Variants in FSTL5 observed in about 807,000 individuals in gnomAD.
FSTL5 encodes the protein follistatin-related protein 5.
In FSTL5, 62 loss-of-function variants were observed where a neutral mutation model predicts 89.1. The observed-to-expected ratio is 0.70, with a 90% CI of 0.57 to 0.86. The LOEUF (loss-of-function observed/expected upper bound fraction) is 0.86, where lower values mean the gene tolerates loss of function less well. Ranked by LOEUF, FSTL5 falls within the 40% of genes least tolerant of loss-of-function variation. The pLI is 0.00. For synonymous variants in FSTL5, 383 were observed against 346.2 expected (o/e 1.11, Z -1.18); for missense variants, 1,057 against 1,001.6 (o/e 1.06, Z -0.75).
At chr4:161,600,337 C>A (rs1047670278) in intron 7 of FSTL5, among the ~76,000 whole-genome samples, 1 of 151,952 alleles carries the variant, frequency 6.6e-6, no homozygotes, top group Admixed American at 6.6e-5. Flanking sequence ...AGGAGTCATG[C>A]ACAGGAGAAG....
chr4:161,670,110 TC>T (rs1737047485), intron 6 of FSTL5, among the ~76,000 whole-genome samples: 1 of 152,230 alleles, frequency 6.6e-6, no homozygotes, highest in Admixed American at 6.5e-5. Context: ...TAACTTACCA[TC>T]TTTAATATAT....
chr4:162,080,061 C>A (rs1730030287), intron 2 of FSTL5, among the ~76,000 whole-genome samples: 1 of 151,422 alleles, frequency 6.6e-6, no homozygotes, highest in South Asian at 2.1e-4. Context: ...ATCCACCTCC[C>A]CAGAATGATA....
At chr4:162,049,555 G>A (rs1430188248) in intron 2 of FSTL5, among the ~76,000 whole-genome samples, 7 of 152,102 alleles carry the variant, frequency 4.6e-5, no homozygotes, top group African/African-American at 1.7e-4. Flanking sequence ...GATCAGAGGC[G>A]ATTCTTTGGT....
intron 2 of FSTL5, among the ~76,000 whole-genome samples, chr4:162,085,194 A>G (rs957169480): frequency 6.6e-5 from 10 of 152,032 alleles, no homozygotes; most frequent in African/African-American, 2.4e-4. Context: ...TATTTACTAA[A>G]ATCTTTTGAG....
At chr4:161,455,393 A>G (rs2126401799) in intron 14 of FSTL5, among the ~76,000 whole-genome samples, 1 of 152,290 alleles carries the variant, frequency 6.6e-6, no homozygotes, top group South Asian at 2.1e-4. Flanking sequence ...ATAAATAGGC[A>G]TGTAAGCAAC....
chr4:162,039,452 T>C (rs1171898448), intron 2 of FSTL5, among the ~76,000 whole-genome samples: 1 of 151,932 alleles, frequency 6.6e-6, no homozygotes, highest in Non-Finnish European at 1.5e-5. Context: ...GGAAAATCCC[T>C]GTGAAAATTT....
chr4:161,517,499 T>C (rs1439119893), intron 10 of FSTL5, among the ~76,000 whole-genome samples: 1 of 152,160 alleles, frequency 6.6e-6, no homozygotes, highest in Non-Finnish European at 1.5e-5. Flanking sequence ...CCTTTACTAG[T>C]GCTTTTTAGT....
chr4:162,049,013 G>C (rs139356726), intron 2 of FSTL5, among the ~76,000 whole-genome samples: 1 of 152,172 alleles, frequency 6.6e-6, no homozygotes, highest in East Asian at 1.9e-4. Context: ...GGTATATTTG[G>C]ATCATATGGT....
At chr4:161,669,074 G>A (rs1165716941) in intron 6 of FSTL5, among the ~76,000 whole-genome samples, 2 of 144,020 alleles carry the variant, frequency 1.4e-5, no homozygotes, top group Non-Finnish European at 3.0e-5. Context: ...ATTCCGCCAC[G>A]GCCCTCCAGC....
chr4:161,457,620 A>C (rs146107917), intron 14 of FSTL5, among the ~76,000 whole-genome samples: 258 of 152,270 alleles, frequency 1.7e-3, no homozygotes, highest in Non-Finnish European at 3.1e-3. Flanking sequence ...TTGTATAATA[A>C]AAATATATGC....
intron 7 of FSTL5, among the ~76,000 whole-genome samples, chr4:161,640,248 T>A (rs1414598267): frequency 6.6e-6 from 1 of 152,142 alleles, no homozygotes; most frequent in Non-Finnish European, 1.5e-5. Flanking sequence ...CTGTCTAGTT[T>A]TCTTTAAAAA....
chr4:161,469,957 T>C (rs1733878590), intron 13 of FSTL5, among the ~76,000 whole-genome samples: 1 of 152,154 alleles, frequency 6.6e-6, no homozygotes, highest in South Asian at 2.1e-4. Context: ...ATTTTTGTGG[T>C]TGAGTTTTAG....
At chr4:161,462,889 GA>G (rs1405278535) in intron 13 of FSTL5, among the ~76,000 whole-genome samples, 3 of 151,882 alleles carry the variant, frequency 2.0e-5, no homozygotes, top group Non-Finnish European at 2.9e-5. Context: ...AGGGTGAAAA[GA>G]GCACTTAAAA....
At chr4:161,471,902 G>A (rs576133937) in intron 13 of FSTL5, among the ~76,000 whole-genome samples, 7 of 151,548 alleles carry the variant, frequency 4.6e-5, no homozygotes, top group East Asian at 3.9e-4. Context: ...TAATGGCCCC[G>A]CATTCATTTT....
At chr4:161,620,841 A>C (rs926717822) in intron 7 of FSTL5, among the ~76,000 whole-genome samples, 3 of 152,232 alleles carry the variant, frequency 2.0e-5, no homozygotes, top group African/African-American at 7.2e-5. Context: ...CTCATGATTT[A>C]AAATTACAAA....
chr4:161,502,588 T>C (rs1309101114), intron 11 of FSTL5, among the ~76,000 whole-genome samples: 2 of 151,932 alleles, frequency 1.3e-5, no homozygotes, highest in East Asian at 3.9e-4. Context: ...TACTGGTAAC[T>C]CAGCTTATGA....
intron 6 of FSTL5, among the ~76,000 whole-genome samples, chr4:161,694,842 C>CTTTT (rs34276732): frequency 2.6e-4 from 28 of 106,194 alleles, no homozygotes; most frequent in South Asian, 3.3e-4. Flanking sequence ...TTCTAAATGC[C>CTTTT]TTTTTTTTTT....
intron 12 of FSTL5, among the ~76,000 whole-genome samples, chr4:161,499,402 C>T (rs78044925): frequency 0.017 from 2,575 of 152,066 alleles, 66 homozygotes; most frequent in African/African-American, 0.058. Context: ...TCATTATCTC[C>T]TCTCATAATG....
intron 8 of FSTL5, among the ~76,000 whole-genome samples, chr4:161,581,960 G>A (rs989831149): frequency 1.3e-5 from 2 of 152,174 alleles, no homozygotes; most frequent in Non-Finnish European, 2.9e-5. Flanking sequence ...AAAAGAGAAA[G>A]AAAAGCATGA....
Sources: gnomAD v4.1 joint callset for allele counts (sites outside exome capture counted in the v4.1 genomes callset) on GRCh38, gnomAD v4.1.1 for gene constraint, MANE v1.5 for transcripts, NCBI Gene and HGNC (gene_info 2026-07-23, HGNC 2026-07-21) for gene names.